Variants in C1orf21 observed in about 807,000 individuals in gnomAD.
C1orf21 encodes the protein uncharacterized protein C1orf21.
A neutral mutation model predicts 18.7 loss-of-function variants in C1orf21; 3 were observed. The ratio of observed to expected loss-of-function variants is 0.16; its 90% CI spans 0.07 to 0.42. The LOEUF is 0.42. C1orf21 is among the 10% of genes least tolerant of loss of function. The pLI is 0.99. For synonymous variants in C1orf21, 41 were observed against 46.4 expected, an observed-to-expected ratio of 0.88 and a Z score of 0.47; for missense variants, 104 against 143.6, an observed-to-expected ratio of 0.72 and a Z score of 1.41.
At chr1:184,465,337 T>G (rs996793120) in intron 1 of C1orf21, among the ~76,000 whole-genome samples, 14 of 152,338 alleles carry the variant, frequency 9.2e-5, no homozygotes, top group Admixed American at 2.0e-4. Flanking sequence ...GTCATCCTGA[T>G]TTCCATTGGA....
At chr1:184,469,268 CA>C (rs925916704) in intron 1 of C1orf21, among the ~76,000 whole-genome samples, 2 of 151,604 alleles carry the variant, frequency 1.3e-5, no homozygotes, top group Non-Finnish European at 2.9e-5. Flanking sequence ...AACAAACGAA[CA>C]AAAAAAACTA....
At chr1:184,546,834 A>G (rs1240391538) in intron 3 of C1orf21, among the ~76,000 whole-genome samples, 1 of 152,202 alleles carries the variant, frequency 6.6e-6, no homozygotes, top group African/African-American at 2.4e-5. Context: ...AAAAGTGTCC[A>G]GCTGGACAAA....
intron 3 of C1orf21, among the ~76,000 whole-genome samples, chr1:184,579,230 T>G (rs1325362047): frequency 1.3e-5 from 2 of 149,662 alleles, no homozygotes; most frequent in Admixed American, 6.7e-5. Context: ...TTTGGTATTT[T>G]TAGTAGAGAT....
intron 2 of C1orf21, among the ~76,000 whole-genome samples, chr1:184,502,523 T>A (rs1657992019): frequency 6.6e-6 from 1 of 152,152 alleles, no homozygotes; most frequent in African/African-American, 2.4e-5. Flanking sequence ...GTTTGCTTGT[T>A]TATCTATGAT....
At position 184,626,901 on chromosome 1, in the gene C1orf21, A is replaced by G. The variant is rs1217785400; in HGVS notation, c.*7345A>G. 6.6e-6 allele frequency: 1 copy of G among 152,502 alleles called. No homozygotes were observed. The highest frequency in any genetic ancestry group is 1.5e-5 in the Non-Finnish European group (1 of 68,032). The allele number at this position is 152,502 out of a possible 1,614,324, so 9.4% of individuals were successfully genotyped here. A position where few individuals can be genotyped will look rare whatever the true frequency, so the allele number is the denominator to read the frequency against. On this transcript the variant is annotated 3_prime_UTR_variant, in exon 6 of 6. Transcript: ENST00000235307. ...GGCCTAGACCCAGGGATGAGAATGC[A>G]CCCTAAAATAAATATACGGGAAGCA...
chr1:184,470,500 T>TA (rs1479643273), intron 1 of C1orf21, among the ~76,000 whole-genome samples: 2 of 152,138 alleles, frequency 1.3e-5, no homozygotes, highest in Non-Finnish European at 2.9e-5. Flanking sequence ...ACAGGTGTCT[T>TA]TCTGTAAAAG....
chr1:184,394,113 T>C (rs1471474053), intron 1 of C1orf21, among the ~76,000 whole-genome samples: 1 of 152,222 alleles, frequency 6.6e-6, no homozygotes. Flanking sequence ...TCACTACATA[T>C]GAATTTGGAT....
intron 3 of C1orf21, among the ~76,000 whole-genome samples, chr1:184,522,938 T>G (rs1361294097): frequency 6.6e-6 from 1 of 152,202 alleles, no homozygotes; most frequent in East Asian, 1.9e-4. Flanking sequence ...TCCACCTGCC[T>G]CGGCCTCCCA....
chr1:184,455,134 A>T (rs1467831653), intron 1 of C1orf21, among the ~76,000 whole-genome samples: 1 of 152,196 alleles, frequency 6.6e-6, no homozygotes, highest in Non-Finnish European at 1.5e-5. Flanking sequence ...CAGAAATGGT[A>T]TAAGCATACT....
intron 2 of C1orf21, among the ~76,000 whole-genome samples, chr1:184,504,971 C>G (rs192544450): frequency 6.6e-6 from 1 of 152,062 alleles, no homozygotes; most frequent in African/African-American, 2.4e-5. Context: ...AGTCATGTAG[C>G]CAGTAGCTTT....
intron 1 of C1orf21, among the ~76,000 whole-genome samples, chr1:184,433,410 A>G (rs1305282572): frequency 6.6e-6 from 1 of 152,112 alleles, no homozygotes; most frequent in Non-Finnish European, 1.5e-5. Context: ...CTGTCTTTGT[A>G]AAGTGCAGAT....
At chr1:184,399,450 C>T (rs1299915074) in intron 1 of C1orf21, among the ~76,000 whole-genome samples, 1 of 150,304 alleles carries the variant, frequency 6.7e-6, no homozygotes, top group East Asian at 2.0e-4. Flanking sequence ...GCAGCCTCTG[C>T]CTCCTGGGCT....
intron 2 of C1orf21, among the ~76,000 whole-genome samples, chr1:184,491,057 A>G (rs192360463): frequency 2.3e-4 from 35 of 152,272 alleles, no homozygotes; most frequent in Non-Finnish European, 4.1e-4. Flanking sequence ...TAAAATTGGA[A>G]CCTACCTCAT....
intron 1 of C1orf21, among the ~76,000 whole-genome samples, chr1:184,462,653 G>A (rs1051399855): frequency 2.6e-5 from 4 of 151,896 alleles, no homozygotes; most frequent in African/African-American, 7.3e-5. Context: ...TTTTGGGGGG[G>A]AATACAGGGA....
In C1orf21 at chr1:184,626,509, C is replaced by A; in HGVS notation, c.*6953C>A. On this transcript the variant is annotated 3_prime_UTR_variant, in exon 6 of 6. Transcript: ENST00000235307. ...AAGGGACGTGGACGGGGCAGTGAGC[C>A]AGGCTAGCCACAGAGGGTTCCCGGG... 6.5e-6 allele frequency: 1 copy of A among 153,040 alleles called. No homozygotes were observed. Among genetic ancestry groups the A allele is most frequent in the Non-Finnish European group, 1.5e-5 (1 of 68,706 alleles). 9.5% of individuals were successfully genotyped at this position (153,040 alleles called of 1,614,324 possible).
At chr1:184,414,565 A>G (rs1656416999) in intron 1 of C1orf21, among the ~76,000 whole-genome samples, 1 of 152,148 alleles carries the variant, frequency 6.6e-6, no homozygotes, top group Non-Finnish European at 1.5e-5. Context: ...AAGCTTGACT[A>G]TGTAAACCTG....
intron 1 of C1orf21, among the ~76,000 whole-genome samples, chr1:184,429,048 A>G (rs1190108336): frequency 6.6e-6 from 1 of 152,004 alleles, no homozygotes; most frequent in Non-Finnish European, 1.5e-5. Context: ...TTTTTGTCTC[A>G]TTGACTCCAG....
At chr1:184,441,995 C>T (rs1470405098) in intron 1 of C1orf21, among the ~76,000 whole-genome samples, 1 of 152,116 alleles carries the variant, frequency 6.6e-6, no homozygotes, top group African/African-American at 2.4e-5. Context: ...GTGAATGGAA[C>T]AGACTGGTAA....
chr1:184,577,993 G>A (rs191080404), intron 3 of C1orf21, among the ~76,000 whole-genome samples: 2,344 of 129,408 alleles, frequency 0.018, 29 homozygotes, highest in Middle Eastern at 0.053. Context: ...TCACACTGTC[G>A]CCCAGGCTGG....
Sources: gnomAD v4.1 joint callset for allele counts (sites outside exome capture counted in the v4.1 genomes callset) on GRCh38, gnomAD v4.1.1 for gene constraint, MANE v1.5 for transcripts, NCBI Gene and HGNC (gene_info 2026-07-23, HGNC 2026-07-21) for gene names.